Variants in ZBTB45 observed in about 807,000 individuals in gnomAD.
ZBTB45 encodes zinc finger and BTB domain-containing protein 45.
A neutral mutation model predicts 28.4 loss-of-function variants in ZBTB45; 22 were observed. The ratio of observed to expected loss-of-function variants is 0.77; its 90% CI spans 0.55 to 1.10. The LOEUF (loss-of-function observed/expected upper bound fraction) is 1.10. Among genes scored for constraint, ZBTB45 ranks in the 50% least tolerant of loss-of-function variants. ZBTB45 has a pLI of 0.00. For synonymous variants in ZBTB45, 361 were observed against 332.3 expected, an observed-to-expected ratio of 1.09 and a Z score of -0.94; for missense variants, 656 against 750.2, an observed-to-expected ratio of 0.87 and a Z score of 1.47.
At chr19:58,537,667 A>G (rs140318278) in intron 1 of ZBTB45, among the ~76,000 whole-genome samples, 111 of 152,030 alleles carry the variant, frequency 7.3e-4, no homozygotes, top group South Asian at 2.5e-3. Context: ...TAGGAGAGCC[A>G]TTTCCACACT....
intron 1 of ZBTB45, among the ~76,000 whole-genome samples, chr19:58,537,387 C>T (rs55716128): frequency 0.17 from 26,532 of 151,974 alleles, 2,414 homozygotes; most frequent in Middle Eastern, 0.22. Flanking sequence ...GGTGCTCTTA[C>T]AATACCTCTC....
At chr19:58,523,695 G>C (rs1311846291), upstream of ZBTB45, among the ~76,000 whole-genome samples, 1 of 144,842 alleles carries the variant, frequency 6.9e-6, no homozygotes, top group African/African-American at 2.5e-5. Flanking sequence ...TTTTGAGATG[G>C]AGTCTCACTC....
chr19:58,528,710 T>C (rs1254668193), intron 1 of ZBTB45, among the ~76,000 whole-genome samples: 1 of 152,030 alleles, frequency 6.6e-6, no homozygotes, highest in Admixed American at 6.6e-5. Flanking sequence ...CTGGCTAATA[T>C]GGTGAAACAC....
intron 1 of ZBTB45, among the ~76,000 whole-genome samples, chr19:58,525,962 T>C (rs932932791): frequency 1.3e-5 from 2 of 152,108 alleles, no homozygotes; most frequent in Admixed American, 1.3e-4. Context: ...GCGCGGTGGC[T>C]CACGCCTGTA....
chr19:58,526,522 ATTATTTTTT>A (rs1247378958), intron 1 of ZBTB45, among the ~76,000 whole-genome samples: 3 of 58,288 alleles, frequency 5.1e-5, no homozygotes, highest in Admixed American at 1.7e-4. Flanking sequence ...TATTATTATT[ATTATTTTTT>A]TTTTTTTTTT....
At chr19:58,528,092 G>A (rs910434498) in intron 1 of ZBTB45, among the ~76,000 whole-genome samples, 2 of 152,184 alleles carry the variant, frequency 1.3e-5, no homozygotes, top group Non-Finnish European at 2.9e-5. Context: ...CCAGTCCCAA[G>A]ATGCAAGGCC....
At chr19:58,537,691 T>G (rs1425190742) in intron 1 of ZBTB45, among the ~76,000 whole-genome samples, 2 of 152,192 alleles carry the variant, frequency 1.3e-5, no homozygotes, top group Non-Finnish European at 2.9e-5. Flanking sequence ...TACCATAGTA[T>G]TAATATTTTG....
chr19:58,522,363 T>C (rs1318459757), upstream of ZBTB45, among the ~76,000 whole-genome samples: 1 of 151,036 alleles, frequency 6.6e-6, no homozygotes, highest in East Asian at 2.0e-4. Flanking sequence ...TGTTTCACCA[T>C]GTTCACCAGG....
chr19:58,517,119 T>C lies in ZBTB45; in HGVS notation c.555A>G (p.Pro185=). Residue 185 remains proline (P), a synonymous_variant, in exon 2 of 3, where the codon CCA becomes CCG. Transcript: ENST00000594051. The stretch of plus-strand genomic sequence containing the variant: ...CAGGCCCCTCAGCCTTGGCAGGTGT[T>C]GGGGGCGCTGGCAGCTGCAAACGCG... The part of the protein sequence containing the change: ...QPARLQLPAP[P]TPAKAEGPDA... 8.1e-6 allele frequency: 13 copies of C among 1,612,712 alleles called. No individual in the cohort carries two copies. The highest frequency in any genetic ancestry group is 1.1e-5 in the Non-Finnish European group (13 of 1,179,814).
intron 1 of ZBTB45, among the ~76,000 whole-genome samples, chr19:58,533,484 C>G (rs1206287642): frequency 6.6e-6 from 1 of 152,084 alleles, no homozygotes; most frequent in Non-Finnish European, 1.5e-5. Flanking sequence ...CAGTGACAAG[C>G]CGAGGCCACC....
intron 1 of ZBTB45, among the ~76,000 whole-genome samples, chr19:58,533,005 T>C (rs559118899): frequency 4.6e-5 from 7 of 152,198 alleles, no homozygotes; most frequent in African/African-American, 1.7e-4. Flanking sequence ...TGGCTAATTT[T>C]GTATTTTTTT....
At chr19:58,531,134 C>T (rs1226589294) in intron 1 of ZBTB45, among the ~76,000 whole-genome samples, 1 of 152,214 alleles carries the variant, frequency 6.6e-6, no homozygotes, top group African/African-American at 2.4e-5. Flanking sequence ...AATTTCTCCA[C>T]ATCCTCACTC....
upstream of ZBTB45, among the ~76,000 whole-genome samples, chr19:58,524,405 A>ATGTG (rs541272488): frequency 1.7e-4 from 6 of 35,228 alleles, no homozygotes; most frequent in South Asian, 1.3e-3. Context: ...GTGTATATAT[A>ATGTG]TGTGTGTGTG....
intron 1 of ZBTB45, among the ~76,000 whole-genome samples, chr19:58,528,326 G>A (rs1018697955): frequency 2.6e-5 from 4 of 152,040 alleles, no homozygotes; most frequent in African/African-American, 7.2e-5. Flanking sequence ...ACACCGCCTC[G>A]TGTTGTTTGT....
At chr19:58,535,778 T>C (rs1158963526) in intron 1 of ZBTB45, among the ~76,000 whole-genome samples, 2 of 152,212 alleles carry the variant, frequency 1.3e-5, no homozygotes, top group Non-Finnish European at 2.9e-5. Flanking sequence ...ATCATCTTCA[T>C]CCATTTGCTT....
At chr19:58,531,594 C>CA (rs1472415436) in intron 1 of ZBTB45, among the ~76,000 whole-genome samples, 3 of 152,188 alleles carry the variant, frequency 2.0e-5, no homozygotes, top group Non-Finnish European at 2.9e-5. Context: ...GAACTGGGGC[C>CA]ATGTGTTCCC....
At chr19:58,518,169 C>A (rs536650573) in intron 1 of ZBTB45, among the ~76,000 whole-genome samples, 1 of 152,296 alleles carries the variant, frequency 6.6e-6, no homozygotes, top group South Asian at 2.1e-4. Flanking sequence ...CACTCCTCCT[C>A]CACCCCTGCT....
upstream of ZBTB45, among the ~76,000 whole-genome samples, chr19:58,522,187 G>C (rs1352007059): frequency 6.9e-6 from 1 of 145,134 alleles, no homozygotes; most frequent in Non-Finnish European, 1.5e-5. Context: ...CTGAGACAAA[G>C]TCTCGCTCTT....
At position 58,514,216 on chromosome 19, in the gene ZBTB45, G is replaced by C. The variant is rs1342178016; in HGVS notation, c.1374C>G (p.Ala458=). The C allele has an allele frequency of 1.2e-6, 2 of 1,612,672 alleles. No homozygotes were observed. The highest frequency in any genetic ancestry group is 3.3e-5 in the Admixed American group (2 of 59,986). Residue 458 remains alanine, a synonymous_variant, in exon 3 of 3, where the codon GCC becomes GCG. Transcript: ENST00000594051. The part of the protein sequence containing the change: ...KHMVTHTGVR[A]FQCAVCAKRF... Reference sequence around the variant, plus strand: ...GCTTGGCGCAGACGGCGCACTGGAAGGCGCGCACGCCGGTGTGCGTGACCA... The same window carrying C: ...GCTTGGCGCAGACGGCGCACTGGAACGCGCGCACGCCGGTGTGCGTGACCA...
Sources: gnomAD v4.1 joint callset for allele counts (sites outside exome capture counted in the v4.1 genomes callset) on GRCh38, gnomAD v4.1.1 for gene constraint, MANE v1.5 for transcripts, NCBI Gene and HGNC (gene_info 2026-07-23, HGNC 2026-07-21) for gene names.